Variants in SMU1 observed in about 807,000 individuals in gnomAD.
SMU1 encodes WD40 repeat-containing protein SMU1.
Under a neutral mutation model 62.0 loss-of-function variants are expected in SMU1, and 2 were observed. The ratio of observed to expected loss-of-function variants is 0.03; its 90% CI spans 0.01 to 0.10. SMU1 has a LOEUF of 0.10. Ranked by LOEUF, SMU1 falls within the 10% of genes least tolerant of loss-of-function variation. SMU1 has a pLI of 1.00. For synonymous variants in SMU1, 188 were observed against 212.4 expected (o/e 0.89, Z 1.00); for missense variants, 227 against 622.1 (o/e 0.36, Z 6.76).
At position 33,049,133 on chromosome 9, in the gene SMU1, G is replaced by A. The variant is rs141165339; in HGVS notation, c.1291-875C>T. Among the ~76,000 whole-genome samples, 3 of 152,224 alleles carry A rather than the reference G, an allele frequency of 2.0e-5. No individual in the cohort carries two copies. In the East Asian group the frequency reaches 5.8e-4, roughly 29 times the overall value. ...TTGACAACCCAATTCTAAAGCTTACGCAAAGAGGCAAAAGACCCAGAATAG... is the reference window on the plus strand; with the variant it reads ...TTGACAACCCAATTCTAAAGCTTACACAAAGAGGCAAAAGACCCAGAATAG... On this transcript the variant is annotated intron_variant, in intron 10 of 11. Coordinates refer to ENST00000397149, the MANE Select transcript of SMU1 (RefSeq NM_018225.3).
Position 33,042,186 on chromosome 9 carries a change from A to G in SMU1, c.*5107T>C, listed in dbSNP as rs1056203083. 1 of 152,744 alleles carries G rather than the reference A, an allele frequency of 6.5e-6. No individual in the cohort carries two copies. Among genetic ancestry groups the G allele is most frequent in the Non-Finnish European group, 1.5e-5 (1 of 68,066 alleles). The allele number at this position is 152,744 out of a possible 1,614,324, so 9.5% of individuals were successfully genotyped here. ...TGGCAAAAACCGCAATTACTTTTGC[A>G]CTAACCTAATAGTTATATCCTGAAG... On this transcript the variant is annotated 3_prime_UTR_variant, in exon 12 of 12. Coordinates refer to ENST00000397149, the MANE Select transcript of SMU1 (RefSeq NM_018225.3).
chr9:33,074,144 G>A (rs1282163325), intron 1 of SMU1, among the ~76,000 whole-genome samples: 1 of 152,074 alleles, frequency 6.6e-6, no homozygotes, highest in Non-Finnish European at 1.5e-5. Flanking sequence ...TACTTTAAAT[G>A]ACTAGACTAG....
intron 3 of SMU1, 124 bp from the exon 4 acceptor site, chr9:33,069,058 A>G: frequency 2.2e-6 from 3 of 1,375,156 alleles, no homozygotes; most frequent in Non-Finnish European, 2.9e-6. Context: ...ACCCAGTTAA[A>G]GAAGGGATTA....
chr9:33,064,108 T>A (rs907654076), intron 4 of SMU1, among the ~76,000 whole-genome samples: 2 of 150,170 alleles, frequency 1.3e-5, no homozygotes, highest in Admixed American at 6.7e-5. Context: ...TTTACCAACT[T>A]TTTTTTTTTA....
chr9:33,048,294 G>T (rs746317893), intron 10 of SMU1, 36 bp from the exon 11 acceptor site: 2 of 1,611,050 alleles, frequency 1.2e-6, no homozygotes, highest in Non-Finnish European at 1.7e-6. Flanking sequence ...AAAACATCAG[G>T]ATTAGTAGCA....
At chr9:33,061,336 A>C (rs1014398471) in intron 5 of SMU1, among the ~76,000 whole-genome samples, 1 of 152,256 alleles carries the variant, frequency 6.6e-6, no homozygotes, top group Non-Finnish European at 1.5e-5. Context: ...GGCAGAGTAA[A>C]TAAAGGTGCT....
intron 4 of SMU1, among the ~76,000 whole-genome samples, chr9:33,063,965 A>G (rs1158987235): frequency 6.6e-6 from 1 of 152,088 alleles, no homozygotes; most frequent in Non-Finnish European, 1.5e-5. Flanking sequence ...TTCATTAGAT[A>G]TATTTCCTCT....
Position 33,044,395 on chromosome 9 carries a change from G to A in SMU1, c.*2898C>T, listed in dbSNP as rs538059886. The A allele has an allele frequency of 3.3e-5, 5 of 152,404 alleles. No homozygotes were observed. The highest frequency in any genetic ancestry group is 1.3e-4 in the Admixed American group (2 of 15,314). The allele number at this position is 152,404 out of a possible 1,614,324, so 9.4% of individuals were successfully genotyped here. On this transcript the variant is annotated 3_prime_UTR_variant, in exon 12 of 12. Coordinates refer to ENST00000397149, the MANE Select transcript of SMU1 (RefSeq NM_018225.3). ...GCAGTCTCCCTACCCCCGGTAAGGGGCTCTACCGGCCCTGGACCCAAGATG... is the reference window on the plus strand; with the variant it reads ...GCAGTCTCCCTACCCCCGGTAAGGGACTCTACCGGCCCTGGACCCAAGATG...
chr9:33,061,684 G>A (rs913372735), intron 5 of SMU1, among the ~76,000 whole-genome samples: 1 of 152,192 alleles, frequency 6.6e-6, no homozygotes, highest in Non-Finnish European at 1.5e-5. Context: ...CACTCTGCCT[G>A]ACACATAGCA....
In SMU1 at chr9:33,056,234, T is replaced by A; in HGVS notation, c.1001A>T (p.His334Leu). 6.2e-7 allele frequency: 1 copy of A among 1,611,318 alleles called. No individual in the cohort carries two copies. The highest frequency in any genetic ancestry group is 1.1e-5 in the South Asian group (1 of 90,654). Residue 334 changes from histidine to leucine, a missense_variant, in exon 9 of 12, where the codon CAT (histidine) becomes CTT (leucine). Transcript: ENST00000397149. ...CAGGGTTTTCCCAGATTTTAAACCA[T>A]GAATTCTACCAAATGAAAGTAAATG... ...SASFDQTIRI[H>L]GLKSGKTLKE... is the part of the protein sequence containing the mutation.
chr9:33,055,752 C>T (rs1195094214), intron 9 of SMU1, among the ~76,000 whole-genome samples: 2 of 152,172 alleles, frequency 1.3e-5, no homozygotes, highest in Non-Finnish European at 2.9e-5. Context: ...ATTTATTAGG[C>T]CACTGAGACT....
chr9:33,042,559 C>T lies in SMU1; in HGVS notation c.*4734G>A, dbSNP rs1839137953. The T allele has an allele frequency of 6.6e-6, 1 of 152,206 alleles. No homozygotes were observed. The allele number at this position is 152,206 out of a possible 1,614,324, so 9.4% of individuals were successfully genotyped here. A position where few individuals can be genotyped will look rare whatever the true frequency, so the allele number is the denominator to read the frequency against. On this transcript the variant is annotated 3_prime_UTR_variant, in exon 12 of 12. Transcript: ENST00000397149. The stretch of plus-strand genomic sequence containing the variant: ...AATTTTCTGTACGTGAAATTAGCTT[C>T]TCAACTTTTTTGTACGTACGGTACT...
intron 9 of SMU1, among the ~76,000 whole-genome samples, chr9:33,054,484 T>C (rs1420568231): frequency 1.3e-5 from 2 of 152,258 alleles, no homozygotes; most frequent in African/African-American, 2.4e-5. Context: ...TGAGGAACTT[T>C]GAAGTGGAAG....
rs1839136908 is a variant in SMU1, at chr9:33,042,482, A to G, written c.*4811T>C. On this transcript the variant is annotated 3_prime_UTR_variant, in exon 12 of 12. Transcript: ENST00000397149. ...TCCTGCCCATTCATACTTGTAGGGA[A>G]TAGGAGTAGAGGCCAATTATGTCGC... The G allele has an allele frequency of 6.6e-6, 1 of 152,384 alleles. No individual in the cohort carries two copies. The allele number at this position is 152,384 out of a possible 1,614,324, so 9.4% of individuals were successfully genotyped here.
Position 33,073,631 on chromosome 9 carries a change from A to G in SMU1, c.202T>C (p.Leu68=). ...TVLQAIQSLK[L]PDKTLIDLYE... ...AGGTCAATGAGGGTTTTGTCTGGCA[A>G]TTTCAGAGACTGTATAGCCTGCAAC... The change falls in exon 2 of 12, where the codon TTG becomes CTG. Residue 68 remains leucine, a synonymous_variant. Transcript: ENST00000397149. 3 of 1,612,400 alleles carry G rather than the reference A, an allele frequency of 1.9e-6. No individual in the cohort carries two copies. Among genetic ancestry groups the G allele is most frequent in the Non-Finnish European group, 2.5e-6 (3 of 1,179,814 alleles).
chr9:33,074,480 T>C (rs974834973), intron 1 of SMU1, among the ~76,000 whole-genome samples: 1 of 151,500 alleles, frequency 6.6e-6, no homozygotes, highest in African/African-American at 2.4e-5. Flanking sequence ...CATGATAGTG[T>C]GTGCTTGTGG....
At chr9:33,061,999 C>A (rs1839367162) in intron 5 of SMU1, 50 bp downstream of exon 5, 1 of 1,596,452 alleles carries the variant, frequency 6.3e-7, no homozygotes, top group Non-Finnish European at 8.6e-7. Context: ...GAGCCCATGA[C>A]AAGTCCTCAA....
chr9:33,065,196 T>C (rs1399516796), intron 4 of SMU1, among the ~76,000 whole-genome samples: 1 of 152,220 alleles, frequency 6.6e-6, no homozygotes, highest in Admixed American at 6.5e-5. Flanking sequence ...AAGTTTCCAC[T>C]TGTATGTCCC....
rs1001331490 is a variant in SMU1 at position 33,044,523 on chromosome 9, T to C, written c.*2770A>G. On this transcript the variant is annotated 3_prime_UTR_variant, in exon 12 of 12. Transcript: ENST00000397149. ...CGCCGCGGTCTGGCTGTAAGGGCGC[T>C]GGAGGGGAGCTGGGCTGCCCCAGCC... 3 of 152,252 alleles carry C rather than the reference T, an allele frequency of 2.0e-5. No individual in the cohort carries two copies. The highest frequency in any genetic ancestry group is 7.2e-5 in the African/African-American group (3 of 41,448). The allele number at this position is 152,252 out of a possible 1,614,324, so 9.4% of individuals were successfully genotyped here. A position where few individuals can be genotyped will look rare whatever the true frequency, so the allele number is the denominator to read the frequency against.
Sources: allele counts gnomAD v4.1 joint callset (sites outside exome capture counted in the v4.1 genomes callset), GRCh38; gene constraint gnomAD v4.1.1; transcripts MANE v1.5; gene names NCBI Gene and HGNC (gene_info 2026-07-23, HGNC 2026-07-21).